FUT9: variants seen among roughly 807,000 people sequenced by gnomAD.
FUT9 encodes 4-galactosyl-N-acetylglucosaminide 3-alpha-L-fucosyltransferase 9.
A neutral mutation model predicts 29.7 loss-of-function variants in FUT9; 15 were observed. That is an observed-to-expected ratio of 0.51 (90% CI 0.34 to 0.78). The LOEUF is 0.78. FUT9 is among the 30% of genes least tolerant of loss of function. The pLI, the probability that FUT9 is intolerant of heterozygous loss-of-function variation, is 0.01. For missense variants in FUT9, 319 were observed against 425.4 expected (o/e 0.75, Z 2.20); for synonymous variants, 169 against 153.7 (o/e 1.10, Z -0.74).
At chr6:96,133,039 T>C (rs1772276414) in intron 2 of FUT9, among the ~76,000 whole-genome samples, 1 of 151,946 alleles carries the variant, frequency 6.6e-6, no homozygotes, top group South Asian at 2.1e-4. Flanking sequence ...ATCCATCACC[T>C]GAGTAGTGTA....
At chr6:96,197,813 A>C (rs1475485629) in intron 2 of FUT9, among the ~76,000 whole-genome samples, 2 of 152,182 alleles carry the variant, frequency 1.3e-5, no homozygotes, top group Non-Finnish European at 2.9e-5. Context: ...CCCAAGTCAC[A>C]AATTACAAGC....
At chr6:96,022,501 GT>G (rs1298309267) in intron 1 of FUT9, among the ~76,000 whole-genome samples, 2 of 152,098 alleles carry the variant, frequency 1.3e-5, no homozygotes, top group Admixed American at 1.3e-4. Context: ...ATTTCCAGTA[GT>G]TTTTTTGCTT....
In FUT9 at chr6:96,209,628, A is replaced by C. The variant is rs1484056571; in HGVS notation, c.*5393A>C. 1.2e-5 allele frequency: 2 copies of C among 166,912 alleles called. No individual in the cohort carries two copies. The highest frequency in any genetic ancestry group is 2.4e-5 in the African/African-American group (1 of 41,444). 10.3% of individuals were successfully genotyped at this position (166,912 alleles called of 1,614,324 possible). ...TCCCAGGCTAACAATAAAATAGCAT[A>C]ATTTTAAGTAAGCTAGATTGAGTTC... On this transcript the variant is annotated 3_prime_UTR_variant, in exon 3 of 3. Coordinates refer to ENST00000302103, the MANE Select transcript of FUT9 (RefSeq NM_006581.4).
intron 2 of FUT9, among the ~76,000 whole-genome samples, chr6:96,187,105 A>G (rs1318260942): frequency 6.6e-6 from 1 of 152,130 alleles, no homozygotes; most frequent in African/African-American, 2.4e-5. Flanking sequence ...GCCTAATGTT[A>G]GAAAAAAGGG....
intron 2 of FUT9, among the ~76,000 whole-genome samples, chr6:96,134,014 G>A: frequency 6.6e-6 from 1 of 151,336 alleles, no homozygotes; most frequent in Non-Finnish European, 1.5e-5. Context: ...TGACTCCTAA[G>A]TATAGAAGCC....
chr6:96,119,204 C>T (rs909333173), intron 2 of FUT9, among the ~76,000 whole-genome samples: 7 of 152,176 alleles, frequency 4.6e-5, no homozygotes, highest in Admixed American at 2.6e-4. Flanking sequence ...AGTGCAACTT[C>T]CAGTCCTGCA....
At chr6:96,049,111 TTATGGAA>T (rs1770618164) in intron 1 of FUT9, among the ~76,000 whole-genome samples, 1 of 152,062 alleles carries the variant, frequency 6.6e-6, no homozygotes, top group Non-Finnish European at 1.5e-5. Flanking sequence ...CAAGGGAAAA[TTATGGAA>T]TGGATCCTCT....
At chr6:96,177,150 T>C (rs1297296319) in intron 2 of FUT9, among the ~76,000 whole-genome samples, 11 of 152,144 alleles carry the variant, frequency 7.2e-5, no homozygotes, top group African/African-American at 2.7e-4. Flanking sequence ...CCCTCAATCC[T>C]AAATCTTGAT....
chr6:96,156,101 G>A (rs888192283), intron 2 of FUT9, among the ~76,000 whole-genome samples: 1 of 152,084 alleles, frequency 6.6e-6, no homozygotes, highest in African/African-American at 2.4e-5. Context: ...TCTGGTACTC[G>A]GTGAGGTTGA....
At position 96,140,547 on chromosome 6, in the gene FUT9, T is replaced by C. The variant is rs146745935; in HGVS notation, c.-9+26420T>C. Among the ~76,000 whole-genome samples the C allele has an allele frequency of 1.4e-3, 208 of 152,268 alleles. 2 individuals are homozygous for C. Among genetic ancestry groups the C allele is most frequent in the African/African-American group, 4.8e-3 (198 of 41,544 alleles). On this transcript the variant is annotated intron_variant, in intron 2 of 2. Coordinates refer to ENST00000302103, the MANE Select transcript of FUT9 (RefSeq NM_006581.4). ...TGAAGAAATACCTGAGACGGGGCAA[T>C]TTATAAAGAAAAAGAGGTTTAATTG...
At chr6:96,068,318 C>G (rs1770997808) in intron 1 of FUT9, among the ~76,000 whole-genome samples, 1 of 152,070 alleles carries the variant, frequency 6.6e-6, no homozygotes, top group African/African-American at 2.4e-5. Flanking sequence ...AATAACAATA[C>G]TTAAGGAATG....
chr6:96,193,599 T>C (rs577188347), intron 2 of FUT9, among the ~76,000 whole-genome samples: 27 of 152,150 alleles, frequency 1.8e-4, no homozygotes, highest in African/African-American at 5.5e-4. Context: ...TTTTACACTG[T>C]TGGTGGGACT....
At chr6:96,200,100 G>A (rs1773701113) in intron 2 of FUT9, among the ~76,000 whole-genome samples, 1 of 152,024 alleles carries the variant, frequency 6.6e-6, no homozygotes. Flanking sequence ...TAATCATTTT[G>A]GGCCTCAGTT....
At chr6:96,030,882 A>G (rs1770249183) in intron 1 of FUT9, among the ~76,000 whole-genome samples, 1 of 151,612 alleles carries the variant, frequency 6.6e-6, no homozygotes. Flanking sequence ...TTAAAAAAAT[A>G]AAAACGTAGG....
intron 1 of FUT9, among the ~76,000 whole-genome samples, chr6:96,094,843 CATT>C (rs1319756229): frequency 6.6e-6 from 1 of 151,624 alleles, no homozygotes; most frequent in Non-Finnish European, 1.5e-5. Context: ...TTGTTGTTGT[CATT>C]GTTGTTGTTA....
At chr6:96,045,710 T>G (rs1460236442) in intron 1 of FUT9, among the ~76,000 whole-genome samples, 1 of 152,162 alleles carries the variant, frequency 6.6e-6, no homozygotes, top group Non-Finnish European at 1.5e-5. Flanking sequence ...TGGGAAAAGC[T>G]GGGGCTGAAA....
chr6:96,129,940 A>T (rs1554194731), intron 2 of FUT9, among the ~76,000 whole-genome samples: 1 of 151,996 alleles, frequency 6.6e-6, no homozygotes, highest in Non-Finnish European at 1.5e-5. Flanking sequence ...TATGCCTTGA[A>T]TTTTTTAATT....
chr6:96,050,732 G>T (rs987373648), intron 1 of FUT9, among the ~76,000 whole-genome samples: 1 of 152,118 alleles, frequency 6.6e-6, no homozygotes, highest in African/African-American at 2.4e-5. Flanking sequence ...GTTAATCTCA[G>T]TAAGAAACTG....
At chr6:96,017,467 T>A (rs749926540) in intron 1 of FUT9, among the ~76,000 whole-genome samples, 2 of 152,266 alleles carry the variant, frequency 1.3e-5, no homozygotes, top group Non-Finnish European at 2.9e-5. Context: ...GCAAGGGGGA[T>A]GGAGTGAACA....
Sources: gnomAD v4.1 joint callset for allele counts (sites outside exome capture counted in the v4.1 genomes callset) on GRCh38, gnomAD v4.1.1 for gene constraint, MANE v1.5 for transcripts, NCBI Gene and HGNC (gene_info 2026-07-23, HGNC 2026-07-21) for gene names.